SLC9A9: variants seen among roughly 807,000 people sequenced by gnomAD.
The protein encoded by SLC9A9 is sodium/hydrogen exchanger 9.
In SLC9A9, 62 loss-of-function variants were observed where a neutral mutation model predicts 77.8. The observed-to-expected ratio is 0.80, with a 90% CI of 0.65 to 0.98. The LOEUF (loss-of-function observed/expected upper bound fraction) is 0.98. Ranked by LOEUF, SLC9A9 falls within the 50% of genes least tolerant of loss-of-function variation. SLC9A9 has a pLI of 0.00. For missense variants in SLC9A9, 775 were observed against 774.9 expected (o/e 1.00, Z 0.00); for synonymous variants, 320 against 283.5 (o/e 1.13, Z -1.29).
intron 4 of SLC9A9, among the ~76,000 whole-genome samples, chr3:143,776,805 G>A (rs1234053778): frequency 6.6e-6 from 1 of 152,144 alleles, no homozygotes; most frequent in Non-Finnish European, 1.5e-5. Context: ...TGACATGAAT[G>A]TATTTCACAT....
At chr3:143,568,218 C>T (rs1313946380) in intron 8 of SLC9A9, among the ~76,000 whole-genome samples, 1 of 152,142 alleles carries the variant, frequency 6.6e-6, no homozygotes, top group Non-Finnish European at 1.5e-5. Flanking sequence ...TATACAGCCT[C>T]CTCTCTCCCT....
At chr3:143,457,046 C>A (rs1290029983) in intron 12 of SLC9A9, among the ~76,000 whole-genome samples, 3 of 151,802 alleles carry the variant, frequency 2.0e-5, no homozygotes, top group African/African-American at 4.8e-5. Flanking sequence ...TGATATTCTC[C>A]TTTCTTGCTC....
Position 143,299,281 on chromosome 3 carries a change from G to T in SLC9A9, c.1605-30301C>A, listed in dbSNP as rs568996165. On this transcript the variant is annotated intron_variant, in intron 14 of 15. Transcript: ENST00000316549. Reference sequence around the variant, plus strand: ...CATGTAAATTTCAGCTTAGTTCAAAGCTAAGCCCCTTAAGAAACCTTTATT... The same window carrying T: ...CATGTAAATTTCAGCTTAGTTCAAATCTAAGCCCCTTAAGAAACCTTTATT... 2.0e-5 allele frequency among the ~76,000 whole-genome samples: 3 copies of T among 152,228 alleles called. No individual in the cohort carries two copies. The East Asian group carries it at 5.8e-4, about 29-fold the overall frequency.
chr3:143,664,613 C>T (rs1036067366), intron 5 of SLC9A9, among the ~76,000 whole-genome samples: 3 of 151,962 alleles, frequency 2.0e-5, no homozygotes, highest in African/African-American at 4.8e-5. Context: ...CACATAGGCT[C>T]AAAATAAAGG....
chr3:143,848,405 C>A lies in SLC9A9; in HGVS notation c.-83G>T. The A allele has an allele frequency of 4.4e-6, 7 of 1,578,930 alleles. No homozygotes were observed. In the South Asian group the frequency reaches 6.7e-5, roughly 15 times the overall value. ...GATTTGCCTAAGACAGTCTGACTGC[C>A]TGAGAATTTCAGAAGAAACACTGCC... On this transcript the variant is annotated 5_prime_UTR_variant, in exon 1 of 16. In the 5' UTR this introduces an upstream ATG that the reference lacks. Coordinates refer to ENST00000316549, the MANE Select transcript of SLC9A9 (RefSeq NM_173653.4).
intron 12 of SLC9A9, among the ~76,000 whole-genome samples, chr3:143,411,153 G>A (rs2034090167): frequency 6.6e-6 from 1 of 152,152 alleles, no homozygotes. Context: ...CTACATTCTA[G>A]TGTTTTAGAT....
intron 4 of SLC9A9, among the ~76,000 whole-genome samples, chr3:143,701,730 A>T (rs988392699): frequency 6.6e-6 from 1 of 152,196 alleles, no homozygotes; most frequent in African/African-American, 2.4e-5. Flanking sequence ...AGTGAAAGAG[A>T]TAGAGGTAGA....
intron 4 of SLC9A9, among the ~76,000 whole-genome samples, chr3:143,728,043 T>C (rs1170894381): frequency 6.6e-6 from 1 of 152,224 alleles, no homozygotes; most frequent in Non-Finnish European, 1.5e-5. Flanking sequence ...TTGTCCCTGA[T>C]AGCTGTTTTT....
At chr3:143,801,134 T>C (rs914333640) in intron 2 of SLC9A9, among the ~76,000 whole-genome samples, 1 of 152,190 alleles carries the variant, frequency 6.6e-6, no homozygotes, top group Non-Finnish European at 1.5e-5. Flanking sequence ...AAGACAGATT[T>C]AGAGACTGCT....
intron 14 of SLC9A9, among the ~76,000 whole-genome samples, chr3:143,313,948 A>G (rs1051435114): frequency 8.5e-5 from 13 of 152,196 alleles, no homozygotes; most frequent in African/African-American, 3.1e-4. Flanking sequence ...ATGGCTGCCC[A>G]TGCCCCCCAT....
chr3:143,381,147 C>T (rs975957989), intron 13 of SLC9A9, among the ~76,000 whole-genome samples: 3 of 152,170 alleles, frequency 2.0e-5, no homozygotes, highest in African/African-American at 7.2e-5. Flanking sequence ...TTGGAGAATG[C>T]ATTTCCCCTA....
At chr3:143,585,675 C>T (rs1416313806) in intron 6 of SLC9A9, among the ~76,000 whole-genome samples, 1 of 152,204 alleles carries the variant, frequency 6.6e-6, no homozygotes, top group East Asian at 1.9e-4. Flanking sequence ...CGCCAATCTC[C>T]TTAATCTGGG....
chr3:143,774,641 T>A (rs1422701572), intron 4 of SLC9A9, among the ~76,000 whole-genome samples: 1 of 152,202 alleles, frequency 6.6e-6, no homozygotes, highest in African/African-American at 2.4e-5. Flanking sequence ...ATGTGTATCA[T>A]ATACTATAAC....
intron 7 of SLC9A9, 51 bp downstream of exon 7, chr3:143,578,534 A>G (rs1484037374): frequency 1.2e-6 from 2 of 1,613,124 alleles, no homozygotes; most frequent in South Asian, 1.1e-5. Flanking sequence ...TATTCCATGG[A>G]TACTGACTGT....
chr3:143,562,588 G>C (rs1252766986), intron 8 of SLC9A9, among the ~76,000 whole-genome samples: 1 of 150,820 alleles, frequency 6.6e-6, no homozygotes, highest in Admixed American at 6.6e-5. Context: ...TAAGCACTAA[G>C]GTATTTATCT....
chr3:143,747,077 C>T (rs1935212571), intron 4 of SLC9A9, among the ~76,000 whole-genome samples: 1 of 152,052 alleles, frequency 6.6e-6, no homozygotes, highest in Non-Finnish European at 1.5e-5. Context: ...AGGTCCTAAT[C>T]CCTGGAACCC....
At chr3:143,302,348 A>T (rs2030558728) in intron 14 of SLC9A9, among the ~76,000 whole-genome samples, 1 of 152,202 alleles carries the variant, frequency 6.6e-6, no homozygotes, top group Non-Finnish European at 1.5e-5. Flanking sequence ...TGCTTGTCTA[A>T]AAAGATGGAA....
chr3:143,362,313 C>G (rs140013969), intron 14 of SLC9A9, among the ~76,000 whole-genome samples: 1,960 of 152,230 alleles, frequency 0.013, 47 homozygotes, highest in African/African-American at 0.045. Context: ...CCTCAAAAAC[C>G]CTCTATCTTC....
chr3:143,684,007 A>C (rs560145714), intron 5 of SLC9A9, among the ~76,000 whole-genome samples: 35 of 152,182 alleles, frequency 2.3e-4, no homozygotes, highest in African/African-American at 7.9e-4. Flanking sequence ...AAAATAAGAC[A>C]TATTATCTTA....
Sources: allele counts gnomAD v4.1 joint callset (sites outside exome capture counted in the v4.1 genomes callset), GRCh38; gene constraint gnomAD v4.1.1; transcripts MANE v1.5; gene names NCBI Gene and HGNC (gene_info 2026-07-23, HGNC 2026-07-21).